The following ATG14 variants were observed in gnomAD, a reference collection of about 807,000 sequenced individuals.
ATG14 encodes beclin 1-associated autophagy-related key regulator.
ATG14 carries 35 observed loss-of-function variants against 60.4 expected under a neutral mutation model. The ratio of observed to expected loss-of-function variants is 0.58; its 90% CI spans 0.44 to 0.77. ATG14 has a LOEUF of 0.77. Among genes scored for constraint, ATG14 ranks in the 30% least tolerant of loss-of-function variants. The pLI is 0.00. For missense variants in ATG14, 647 were observed against 626.3 expected (o/e 1.03, Z -0.35); for synonymous variants, 234 against 228.8 (o/e 1.02, Z -0.21).
chr14:55,369,655 C>T lies in ATG14; in HGVS notation c.1443G>A (p.Val481=), dbSNP rs1884766696. ...CAGTGTAAGCTTTAAACCAGGAGGTCACCGAGGCTGCTGCAGAGGAGATCA... is the reference window on the plus strand; with the variant it reads ...CAGTGTAAGCTTTAAACCAGGAGGTTACCGAGGCTGCTGCAGAGGAGATCA... ...GGMISSAAAS[V]TSWFKAYTGH... The change falls in exon 10 of 10, where the codon GTG becomes GTA. Residue 481 remains valine, a synonymous_variant. Transcript: ENST00000247178. 1.3e-6 allele frequency: 2 copies of T among 1,548,862 alleles called. No individual in the cohort carries two copies. The highest frequency in any genetic ancestry group is 1.8e-4 in the Middle Eastern group (1 of 5,698).
Position 55,380,658 on chromosome 14 carries a change from TG to T in ATG14, c.909del (p.Ser304ValfsTer20). On this transcript the variant is annotated frameshift_variant, in exon 7 of 10. Transcript: ENST00000247178. LOFTEE classifies it high-confidence loss of function. ...DMEQSNPAYT[I>X]SAALCYATQL... ...TGAGTTGCATAGCACAGCGCAGCACTGATGGTGTAGGCAGGGTTACTCTGCT... is the reference window on the plus strand; with the variant it reads ...TGAGTTGCATAGCACAGCGCAGCACTATGGTGTAGGCAGGGTTACTCTGCT... 1 of 1,609,672 alleles carries T rather than the reference TG, an allele frequency of 6.2e-7. No individual in the cohort carries two copies. The highest frequency in any genetic ancestry group is 8.5e-7 in the Non-Finnish European group (1 of 1,177,882).
chr14:55,398,313 TTTTTTG>T (rs377357046), intron 1 of ATG14, among the ~76,000 whole-genome samples: 22 of 152,228 alleles, frequency 1.4e-4, no homozygotes, highest in South Asian at 6.2e-4. Flanking sequence ...CTTACTTGGG[TTTTTTG>T]TTTTTGTTTT....
At position 55,369,706 on chromosome 14, in the gene ATG14, G is replaced by C. The variant is rs751664311; in HGVS notation, c.1392C>G (p.Pro464=). ...TCCCACCTGCACTGCTGCTCGCGAT[G>C]GGTGGGGACGCCTGGGTGCTCTGAC... ...SQSQSTQASP[P]IASSSAGGMI... Residue 464 remains proline (P), a synonymous_variant, in exon 10 of 10, where the codon CCC becomes CCG. Coordinates refer to ENST00000247178, the MANE Select transcript of ATG14 (RefSeq NM_014924.5). 1.9e-6 allele frequency: 3 copies of C among 1,609,574 alleles called. No homozygotes were observed. In the Admixed American group the frequency reaches 5.0e-5, roughly 27 times the overall value.
chr14:55,408,458 C>G (rs955630884), intron 1 of ATG14, among the ~76,000 whole-genome samples: 2 of 151,850 alleles, frequency 1.3e-5, no homozygotes, highest in South Asian at 2.1e-4. Context: ...GTCCCCTCCC[C>G]CCTCAAACAA....
chr14:55,392,174 C>T (rs887180568), intron 3 of ATG14, among the ~76,000 whole-genome samples: 2 of 152,276 alleles, frequency 1.3e-5, no homozygotes, highest in Admixed American at 6.5e-5. Flanking sequence ...ATAGAGTTCG[C>T]ACTCCTATGG....
At chr14:55,371,095 G>A (rs895292232) in intron 9 of ATG14, among the ~76,000 whole-genome samples, 8 of 152,162 alleles carry the variant, frequency 5.3e-5, no homozygotes, top group Non-Finnish European at 1.2e-4. Flanking sequence ...CCAAGGTGCC[G>A]CTCTCTCCCT....
In ATG14 at chr14:55,369,055, A is replaced by AAAT. The variant is rs3841297; in HGVS notation, c.*561_*563dup. 0.36 allele frequency: 54,796 copies of AAAT among 152,290 alleles called. 10,460 individuals are homozygous for AAAT. The highest frequency in any genetic ancestry group is 0.42 in the Non-Finnish European group (28,260 of 67,904). The allele number at this position is 152,290 out of a possible 1,614,324, so 9.4% of individuals were successfully genotyped here. A position where few individuals can be genotyped will look rare whatever the true frequency, so the allele number is the denominator to read the frequency against. The stretch of plus-strand genomic sequence containing the variant: ...AAACTACGACAGAGCAGCATGAATA[A>AAAT]AATACGTGTAACTCACCCCTCCCAA... On this transcript the variant is annotated 3_prime_UTR_variant, in exon 10 of 10. Transcript: ENST00000247178.
At chr14:55,400,650 C>T (rs574160666) in intron 1 of ATG14, among the ~76,000 whole-genome samples, 4 of 152,224 alleles carry the variant, frequency 2.6e-5, no homozygotes, top group South Asian at 2.1e-4. Flanking sequence ...CACCTGTAAT[C>T]GCAGCACTTT....
rs553971541 is a variant in ATG14 at position 55,369,031 on chromosome 14, A to G, written c.*588T>C. The G allele has an allele frequency of 4.1e-5, 6 of 146,474 alleles. 1 individual carries two copies. In the East Asian group the frequency reaches 1.2e-3, roughly 29 times the overall value. 9.1% of individuals were successfully genotyped at this position (146,474 alleles called of 1,614,324 possible). On this transcript the variant is annotated 3_prime_UTR_variant, in exon 10 of 10. Transcript: ENST00000247178. ...GAAAGAAAAACAGGAATGTCTGACA[A>G]ACTACGACAGAGCAGCATGAATAAA... is the stretch of plus-strand genomic sequence containing the variant.
chr14:55,409,130 A>G (rs1160755762), intron 1 of ATG14, among the ~76,000 whole-genome samples: 2 of 152,246 alleles, frequency 1.3e-5, no homozygotes, highest in Admixed American at 1.3e-4. Flanking sequence ...AAACTCGGAT[A>G]GATTCAAGAT....
rs533869444 is a variant in ATG14, at chr14:55,366,861, G to A, written c.*2758C>T. 6.6e-6 allele frequency: 1 copy of A among 152,536 alleles called. No individual in the cohort carries two copies. The highest frequency in any genetic ancestry group is 1.5e-5 in the Non-Finnish European group (1 of 68,022). 9.4% of individuals were successfully genotyped at this position (152,536 alleles called of 1,614,324 possible). A position where few individuals can be genotyped will look rare whatever the true frequency, so the allele number is the denominator to read the frequency against. On this transcript the variant is annotated 3_prime_UTR_variant, in exon 10 of 10. Coordinates refer to ENST00000247178, the MANE Select transcript of ATG14 (RefSeq NM_014924.5). ...GCACCTACATGAAAGATTTTAATGA[G>A]CAGCAAAAAGAGTAGAAAAAACAGT...
In ATG14 at chr14:55,385,995, T is replaced by G. The variant is rs1413405335; in HGVS notation, c.511A>C (p.Lys171Gln). Residue 171 changes from lysine (K) to glutamine (Q), a missense_variant, in exon 5 of 10, where the codon AAA becomes CAA. Physicochemically the swap from Lys to Gln is moderately conservative, Grantham distance 53 (BLOSUM62 1). Coordinates refer to ENST00000247178, the MANE Select transcript of ATG14 (RefSeq NM_014924.5). Reference sequence around the variant, plus strand: ...TTTTTTTCTACCAGGTCACCAAGTTTGCGATTATGCCTCTGAATCTTCTCC... The same window carrying G: ...TTTTTTTCTACCAGGTCACCAAGTTGGCGATTATGCCTCTGAATCTTCTCC... ...KKEKIQRHNRKLGDLVEKKTI... is the reference protein window; with the variant it reads ...KKEKIQRHNRQLGDLVEKKTI... 1.2e-6 allele frequency: 2 copies of G among 1,614,088 alleles called. No individual in the cohort carries two copies. Among genetic ancestry groups the G allele is most frequent in the African/African-American group, 2.7e-5 (2 of 74,922 alleles).
In ATG14 at chr14:55,382,149, G is replaced by C. The variant is rs1440135270; in HGVS notation, c.690C>G (p.Thr230=). The C allele has an allele frequency of 1.4e-5, 23 of 1,614,134 alleles. No individual in the cohort carries two copies. The highest frequency in any genetic ancestry group is 1.9e-5 in the Non-Finnish European group (22 of 1,180,014). Residue 230 remains threonine, a synonymous_variant, in exon 6 of 10, where the codon ACC becomes ACG. Transcript: ENST00000247178. ...CAGCAAGCTTGCTCACAGTGCTGGAGGTCATGGCACTGTCACTCTCTGAAG... is the reference window on the plus strand; with the variant it reads ...CAGCAAGCTTGCTCACAGTGCTGGACGTCATGGCACTGTCACTCTCTGAAG... The part of the protein sequence containing the change: ...DVSSESDSAM[T]SSTVSKLAEA...
At chr14:55,397,833 A>AT (rs1395885807) in intron 1 of ATG14, among the ~76,000 whole-genome samples, 2 of 152,014 alleles carry the variant, frequency 1.3e-5, no homozygotes, top group African/African-American at 4.8e-5. Context: ...CTTATAATAA[A>AT]TTTTTAAAAA....
rs1566574844 is a variant in ATG14 at position 55,367,759 on chromosome 14, C to CGGTG, written c.*1859_*1860insCACC. The CGGTG allele has an allele frequency of 4.0e-5, 6 of 151,536 alleles. No homozygotes were observed. The highest frequency in any genetic ancestry group is 8.8e-5 in the Non-Finnish European group (6 of 67,854). 9.4% of individuals were successfully genotyped at this position (151,536 alleles called of 1,614,324 possible). A position where few individuals can be genotyped will look rare whatever the true frequency, so the allele number is the denominator to read the frequency against. ...ACTCCGTCTCCAAAAAAAAAAAAGACCACCCACAACGAGAAAAGCCTACTT... is the reference window on the plus strand; with the variant it reads ...ACTCCGTCTCCAAAAAAAAAAAAGACGGTGCACCCACAACGAGAAAAGCCTACTT... On this transcript the variant is annotated 3_prime_UTR_variant, in exon 10 of 10. Transcript: ENST00000247178.
intron 1 of ATG14, among the ~76,000 whole-genome samples, chr14:55,407,901 G>A (rs1885514905): frequency 6.6e-6 from 1 of 152,116 alleles, no homozygotes; most frequent in Admixed American, 6.5e-5. Context: ...CAATCAGGAG[G>A]AAAAGTGTTC....
In ATG14 at chr14:55,381,973, G is replaced by C. The variant is rs775946589; in HGVS notation, c.866C>G (p.Thr289Ser). Residue 289 changes from threonine to serine, a missense_variant, in exon 6 of 10, where the codon ACC becomes AGC. Physicochemically the swap from Thr to Ser is moderately conservative, Grantham distance 58 (BLOSUM62 1). Coordinates refer to ENST00000247178, the MANE Select transcript of ATG14 (RefSeq NM_014924.5). ...YYSWVEEKKT[T>S]QGPDMEQSNP... ...ATGCTGCTTCTCACCAGGCCCCTGGGTTGTTTTCTTCTCCTCCACCCAGCT... is the reference window on the plus strand; with the variant it reads ...ATGCTGCTTCTCACCAGGCCCCTGGCTTGTTTTCTTCTCCTCCACCCAGCT... 6.2e-7 allele frequency: 1 copy of C among 1,613,886 alleles called. No homozygotes were observed. Among genetic ancestry groups the C allele is most frequent in the East Asian group, 2.2e-5 (1 of 44,878 alleles).
At chr14:55,381,155 T>C (rs1159932312) in intron 6 of ATG14, among the ~76,000 whole-genome samples, 1 of 152,130 alleles carries the variant, frequency 6.6e-6, no homozygotes. Flanking sequence ...ACTTGCTTCC[T>C]ACCTTTCTCC....
intron 1 of ATG14, 35 bp downstream of exon 1, chr14:55,411,567 C>T (rs771379147): frequency 1.9e-6 from 3 of 1,573,358 alleles, no homozygotes; most frequent in Non-Finnish European, 2.6e-6. Context: ...GGACACACAG[C>T]AGAAGAAACA....
Sources: allele counts gnomAD v4.1 joint callset (sites outside exome capture counted in the v4.1 genomes callset), GRCh38; gene constraint gnomAD v4.1.1; transcripts MANE v1.5; gene names NCBI Gene and HGNC (gene_info 2026-07-23, HGNC 2026-07-21).